The following TFEB variants were observed in gnomAD, a reference collection of about 807,000 sequenced individuals.
The protein encoded by TFEB is T-cell transcription factor EB.
A neutral mutation model predicts 48.0 loss-of-function variants in TFEB; 12 were observed. The ratio of observed to expected loss-of-function variants is 0.25; its 90% CI spans 0.16 to 0.40. The LOEUF (loss-of-function observed/expected upper bound fraction) is 0.40, where lower values mean the gene tolerates loss of function less well. Among genes scored for constraint, TFEB ranks in the 10% least tolerant of loss-of-function variants. The pLI is 1.00. For synonymous variants in TFEB, 244 were observed against 261.4 expected, an observed-to-expected ratio of 0.93 and a Z score of 0.64; for missense variants, 509 against 640.3, an observed-to-expected ratio of 0.79 and a Z score of 2.21.
chr6:41,695,843 T>C (rs189409524), intron 1 of TFEB, among the ~76,000 whole-genome samples: 5 of 152,130 alleles, frequency 3.3e-5, no homozygotes, highest in East Asian at 1.9e-4. Flanking sequence ...CTTCTGGGGG[T>C]TTATGGGGGG....
chr6:41,714,081 T>C (rs914296888), intron 1 of TFEB, among the ~76,000 whole-genome samples: 11 of 152,224 alleles, frequency 7.2e-5, no homozygotes, highest in Admixed American at 7.2e-4. Context: ...ACCACTGCAC[T>C]GAGTCCTGTG....
In TFEB at chr6:41,686,073, C is replaced by G. The variant is rs1768983411; in HGVS notation, c.951+17G>C. The stretch of plus-strand genomic sequence containing the variant: ...AAGGGTCAGAGTTACCAAAGAAGTC[C>G]AAGTTCAGGACCAGACCTGGATACG... On this transcript the variant is annotated intron_variant, in intron 8 of 8. Transcript: ENST00000373033. 1 of 1,614,048 alleles carries G rather than the reference C, an allele frequency of 6.2e-7. No individual in the cohort carries two copies. Among genetic ancestry groups the G allele is most frequent in the African/African-American group, 1.3e-5 (1 of 74,940 alleles).
In TFEB at chr6:41,724,030, C is replaced by A; in HGVS notation, c.-23+11320G>T. 1 of 447,190 alleles carries A rather than the reference C, an allele frequency of 2.2e-6. No individual in the cohort carries two copies. 27.7% of individuals were successfully genotyped at this position (447,190 alleles called of 1,614,324 possible). A position where few individuals can be genotyped will look rare whatever the true frequency, so the allele number is the denominator to read the frequency against. On this transcript the variant is annotated intron_variant, in intron 1 of 8. Transcript: ENST00000373033. This position sits in a 1 kb window ranked among gnomAD's most constrained non-coding sequence, Gnocchi z 4.4. ...TCTTGGCCTTGGGCCTTCCCAGGGC[C>A]TCCAGACACCCAGGTCGAGGCCGTA...
In TFEB at chr6:41,684,864, G is replaced by A; in HGVS notation, c.1166C>T (p.Ser389Phe). Residue 389 changes from serine (S) to phenylalanine (F), a missense_variant, in exon 9 of 9, where the codon TCC becomes TTC. Physicochemically the swap from Ser to Phe is radical, Grantham distance 155 (BLOSUM62 -2). Around this residue, in one of 4 missense-constraint regions of TFEB, gnomAD observed 168 missense variants for 161.0 expected, o/e 1.04. Transcript: ENST00000373033. ...APLPLPTQPP[S>F]PFHHLDFSHS... ...GCTGAAGTCCAGGTGATGGAATGGG[G>A]ATGGTGGCTGGGTGGGCAGGGGCAG... The A allele has an allele frequency of 6.3e-7, 1 of 1,576,178 alleles. No individual in the cohort carries two copies. Among genetic ancestry groups the A allele is most frequent in the South Asian group, 1.2e-5 (1 of 85,476 alleles).
chr6:41,723,458 T>G lies in TFEB; in HGVS notation c.-23+11892A>C. The stretch of plus-strand genomic sequence containing the variant: ...ACACACATGCACGCGTGTGCTCTCA[T>G]ACCTTCGAGAGGGCAGCCCCCTGGA... On this transcript the variant is annotated intron_variant, in intron 1 of 8. Transcript: ENST00000373033. This position sits in a 1 kb window ranked among gnomAD's most constrained non-coding sequence, Gnocchi z 6.0. The G allele has an allele frequency of 7.8e-7, 1 of 1,286,600 alleles. No homozygotes were observed. Among genetic ancestry groups the G allele is most frequent in the South Asian group, 1.2e-5 (1 of 80,960 alleles). The allele number at this position is 1,286,600 out of a possible 1,614,324, so 79.7% of individuals were successfully genotyped here. A position where few individuals can be genotyped will look rare whatever the true frequency, so the allele number is the denominator to read the frequency against.
chr6:41,690,607 C>T, intron 3 of TFEB, 56 bp downstream of exon 3: 2 of 1,469,530 alleles, frequency 1.4e-6, no homozygotes, highest in Non-Finnish European at 1.8e-6. Flanking sequence ...CTCAGAAGCA[C>T]AGCAGTGGGC....
Position 41,684,556 on chromosome 6 carries a change from C to T in TFEB, c.*43G>A. 6.7e-7 allele frequency: 1 copy of T among 1,503,164 alleles called. No individual in the cohort carries two copies. Among genetic ancestry groups the T allele is most frequent in the Non-Finnish European group, 8.9e-7 (1 of 1,128,184 alleles). The allele number at this position is 1,503,164 out of a possible 1,614,324, so 93.1% of individuals were successfully genotyped here. On this transcript the variant is annotated 3_prime_UTR_variant, in exon 9 of 9. Transcript: ENST00000373033. ...AGGGAGGTGCCCCTGGCCCTCCCAG[C>T]CCCCAGGCCGGCCCCTGTTCCCTGG... is the stretch of plus-strand genomic sequence containing the variant.
chr6:41,732,654 A>G (rs1581943200), intron 1 of TFEB: 4 of 985,774 alleles, frequency 4.1e-6, no homozygotes, highest in Non-Finnish European at 4.8e-6. Context: ...CTCACCATGT[A>G]CCAGGCACTG....
At chr6:41,687,213 A>C in intron 6 of TFEB, 44 bp from the exon 7 acceptor site, 1 of 1,582,368 alleles carries the variant, frequency 6.3e-7, no homozygotes, top group Middle Eastern at 1.9e-4. Flanking sequence ...AGGGATGGGG[A>C]CCCCCCACCC....
intron 1 of TFEB, among the ~76,000 whole-genome samples, chr6:41,697,427 A>AAAAAAAAAAAG (rs1769655029): frequency 2.8e-5 from 4 of 145,282 alleles, no homozygotes; most frequent in African/African-American, 1.0e-4. Context: ...AAAAAAAAAA[A>AAAAAAAAAAAG]GAATGAGGGC....
rs1235974542 is a variant in TFEB at position 41,691,853 on chromosome 6, C to T, written c.-22-618G>A. ...GGCCCACCTCGTGTTCCCCTTTGAC[C>T]CCATCCGCCAGCTCTCCCTCTTGTT... On this transcript the variant is annotated intron_variant, in intron 1 of 8. Coordinates refer to ENST00000373033, the MANE Select transcript of TFEB (RefSeq NM_001271944.2). This position sits in a 1 kb window ranked among gnomAD's most constrained non-coding sequence, Gnocchi z 5.2. Among the ~76,000 whole-genome samples the T allele has an allele frequency of 6.6e-6, 1 of 152,140 alleles. No individual in the cohort carries two copies. The highest frequency in any genetic ancestry group is 1.5e-5 in the Non-Finnish European group (1 of 68,024).
Position 41,734,905 on chromosome 6 carries a change from AC to A in TFEB, c.-23+444del, listed in dbSNP as rs34685367. On this transcript the variant is annotated intron_variant, in intron 1 of 8. Coordinates refer to ENST00000373033, the MANE Select transcript of TFEB (RefSeq NM_001271944.2). The surrounding 1 kb of genome is among the most constrained non-coding windows in gnomAD (Gnocchi z 4.0). The stretch of plus-strand genomic sequence containing the variant: ...CCCCCGCACACCTCCCCTACCTCCG[AC>A]CCCCTCTCAGGCATCGCCGGCCCCA... 8 of 978,734 alleles carry A rather than the reference AC, an allele frequency of 8.2e-6. No homozygotes were observed. Among genetic ancestry groups the A allele is most frequent in the Non-Finnish European group, 9.7e-6 (8 of 828,002 alleles). The allele number at this position is 978,734 out of a possible 1,614,324, so 60.6% of individuals were successfully genotyped here. A position where few individuals can be genotyped will look rare whatever the true frequency, so the allele number is the denominator to read the frequency against.
chr6:41,695,046 T>A (rs1337311031), intron 1 of TFEB, among the ~76,000 whole-genome samples: 1 of 152,190 alleles, frequency 6.6e-6, no homozygotes, highest in East Asian at 1.9e-4. Context: ...GGTTCCAGCT[T>A]AGTCATGTCC....
intron 1 of TFEB, among the ~76,000 whole-genome samples, chr6:41,694,308 G>A (rs916761683): frequency 3.3e-5 from 5 of 152,196 alleles, no homozygotes; most frequent in African/African-American, 1.2e-4. Flanking sequence ...GGGAGAGGAC[G>A]TTGGAGAAGT....
intron 1 of TFEB, among the ~76,000 whole-genome samples, chr6:41,716,283 CT>C (rs1247107145): frequency 2.6e-5 from 4 of 152,242 alleles, no homozygotes; most frequent in African/African-American, 9.6e-5. Flanking sequence ...GGTACACCCC[CT>C]CCCTATAATG....
intron 1 of TFEB, among the ~76,000 whole-genome samples, chr6:41,696,316 AC>A (rs537227983): frequency 7.5e-4 from 114 of 152,318 alleles, no homozygotes; most frequent in Admixed American, 1.3e-3. Context: ...CCACGTGTTC[AC>A]CAAAGCACAT....
chr6:41,714,118 T>C (rs897143367), intron 1 of TFEB, among the ~76,000 whole-genome samples: 2 of 137,906 alleles, frequency 1.5e-5, no homozygotes, highest in African/African-American at 2.9e-5. Context: ...CACGTGTGTG[T>C]GTGTGTGCGT....
chr6:41,720,044 T>A lies in TFEB; in HGVS notation c.-23+15306A>T, dbSNP rs557244018. On this transcript the variant is annotated intron_variant, in intron 1 of 8. Coordinates refer to ENST00000373033, the MANE Select transcript of TFEB (RefSeq NM_001271944.2). This position sits in a 1 kb window ranked among gnomAD's most constrained non-coding sequence, Gnocchi z 4.1. ...AGTGCCAATATATGTGACCTGTCAT[T>A]AAACACCACATTCTACTGTGGGAGC... Among the ~76,000 whole-genome samples the A allele has an allele frequency of 6.4e-4, 98 of 152,182 alleles. No individual in the cohort carries two copies. The highest frequency in any genetic ancestry group is 1.0e-3 in the Non-Finnish European group (70 of 68,026).
At chr6:41,708,670 T>TG (rs761221947) in intron 1 of TFEB, among the ~76,000 whole-genome samples, 9 of 152,192 alleles carry the variant, frequency 5.9e-5, no homozygotes, top group Non-Finnish European at 8.8e-5. Flanking sequence ...AATAAACTGT[T>TG]TGCACTCATA....
Sources: gnomAD v4.1 joint callset for allele counts (sites outside exome capture counted in the v4.1 genomes callset) on GRCh38, gnomAD v4.1.1 for gene constraint, gnomAD v4.1.1 regional missense constraint, Gnocchi (gnomAD v3.1) non-coding constraint, MANE v1.5 for transcripts, NCBI Gene and HGNC (gene_info 2026-07-23, HGNC 2026-07-21) for gene names.